Variants in FAM53B observed in about 807,000 individuals in gnomAD.
FAM53B encodes family with sequence similarity 53 member B, also known as protein FAM53B.
A neutral mutation model predicts 32.7 loss-of-function variants in FAM53B; 12 were observed. The observed-to-expected ratio is 0.37, with a 90% CI of 0.24 to 0.59. FAM53B has a LOEUF of 0.59. FAM53B is among the 20% of genes least tolerant of loss of function. FAM53B has a pLI of 0.72. For missense variants in FAM53B, 477 were observed against 577.7 expected (o/e 0.83, Z 1.79); for synonymous variants, 234 against 228.7 (o/e 1.02, Z -0.21).
At chr10:124,690,587 G>A (rs140427679) in intron 3 of FAM53B, among the ~76,000 whole-genome samples, 150 of 152,308 alleles carry the variant, frequency 9.8e-4, no homozygotes, top group African/African-American at 3.3e-3. Flanking sequence ...GTCTTCACTC[G>A]TCACTGGCAA....
chr10:124,626,661 CATCTTTGTCA>C (rs1189887990), intron 4 of FAM53B, among the ~76,000 whole-genome samples: 3 of 152,222 alleles, frequency 2.0e-5, no homozygotes, highest in Non-Finnish European at 4.4e-5. Flanking sequence ...CAGTCTAAGG[CATCTTTGTCA>C]CAGCAGCCCA....
At chr10:124,730,673 G>A (rs565245789) in intron 1 of FAM53B, among the ~76,000 whole-genome samples, 1 of 152,284 alleles carries the variant, frequency 6.6e-6, no homozygotes, top group African/African-American at 2.4e-5. Context: ...GCTGTCCAAC[G>A]TGAGAGGTGA....
At chr10:124,672,450 C>T (rs1040174630) in intron 4 of FAM53B, among the ~76,000 whole-genome samples, 2 of 152,268 alleles carry the variant, frequency 1.3e-5, no homozygotes, top group Admixed American at 6.5e-5. Flanking sequence ...CTCCCTTTCG[C>T]TGCATCCTCT....
At chr10:124,734,874 GCA>G (rs2134103966) in intron 1 of FAM53B, among the ~76,000 whole-genome samples, 1 of 152,336 alleles carries the variant, frequency 6.6e-6, no homozygotes, top group African/African-American at 2.4e-5. Context: ...TCAGAGGCCT[GCA>G]CCAACAGAAG....
At chr10:124,703,275 C>T (rs539362401) in intron 2 of FAM53B, among the ~76,000 whole-genome samples, 29 of 152,322 alleles carry the variant, frequency 1.9e-4, no homozygotes, top group African/African-American at 6.7e-4. Flanking sequence ...GTCTTGATCT[C>T]CTGACCTCGT....
intron 4 of FAM53B, among the ~76,000 whole-genome samples, chr10:124,660,298 C>T (rs1334394555): frequency 6.6e-6 from 1 of 152,208 alleles, no homozygotes; most frequent in Non-Finnish European, 1.5e-5. Flanking sequence ...CACACTGTCT[C>T]AAGCATGAGG....
intron 1 of FAM53B, among the ~76,000 whole-genome samples, chr10:124,711,631 A>G (rs1324721436): frequency 1.3e-5 from 2 of 152,232 alleles, no homozygotes; most frequent in African/African-American, 4.8e-5. Context: ...AGTTTTTAAA[A>G]CTTTTTTTAA....
At chr10:124,653,719 C>A (rs6597846) in intron 4 of FAM53B, among the ~76,000 whole-genome samples, 140,989 of 152,244 alleles carry the variant, frequency 0.93, 65,929 homozygotes, top group Non-Finnish European at 0.99. Context: ...ACATGGCCCA[C>A]GCAGAGCCTA....
intron 1 of FAM53B, among the ~76,000 whole-genome samples, chr10:124,730,608 C>T (rs1336461836): frequency 6.6e-6 from 1 of 152,226 alleles, no homozygotes; most frequent in African/African-American, 2.4e-5. Context: ...GACACAGTCT[C>T]GTGTGCTCCT....
intron 4 of FAM53B, among the ~76,000 whole-genome samples, chr10:124,666,131 G>T (rs1358794011): frequency 6.6e-6 from 1 of 152,234 alleles, no homozygotes; most frequent in Non-Finnish European, 1.5e-5. Context: ...CTGGTGGGCA[G>T]GGCCACGTTC....
chr10:124,672,344 T>C (rs981529485), intron 4 of FAM53B, among the ~76,000 whole-genome samples: 3 of 152,248 alleles, frequency 2.0e-5, no homozygotes, highest in Admixed American at 2.0e-4. Context: ...AACCTCGGGC[T>C]GGGAGGGGCT....
chr10:124,680,109 T>A (rs1320269632), intron 4 of FAM53B, among the ~76,000 whole-genome samples: 1 of 152,216 alleles, frequency 6.6e-6, no homozygotes, highest in East Asian at 1.9e-4. Context: ...TGGTGTCCAA[T>A]AAATGTGTTC....
intron 1 of FAM53B, among the ~76,000 whole-genome samples, chr10:124,729,258 G>A (rs1950126312): frequency 6.6e-6 from 1 of 152,234 alleles, no homozygotes; most frequent in Non-Finnish European, 1.5e-5. Flanking sequence ...ACTGGCTGAA[G>A]AAGGAAGACA....
intron 4 of FAM53B, among the ~76,000 whole-genome samples, chr10:124,676,627 T>G (rs1192716565): frequency 1.3e-5 from 2 of 151,992 alleles, no homozygotes; most frequent in Non-Finnish European, 2.9e-5. Flanking sequence ...CTGGGGGGGC[T>G]TCACCTGGGG....
At chr10:124,657,121 T>C (rs1949596501) in intron 4 of FAM53B, among the ~76,000 whole-genome samples, 1 of 146,380 alleles carries the variant, frequency 6.8e-6, no homozygotes. Flanking sequence ...TGTGTGTGTA[T>C]ATATATGTGT....
At chr10:124,665,953 G>C (rs1449163871) in intron 4 of FAM53B, among the ~76,000 whole-genome samples, 1 of 152,226 alleles carries the variant, frequency 6.6e-6, no homozygotes, top group Non-Finnish European at 1.5e-5. Context: ...CCCCAGCCCT[G>C]TAGCCTGCAC....
At chr10:124,641,886 G>A (rs1013035422) in intron 4 of FAM53B, among the ~76,000 whole-genome samples, 1 of 152,176 alleles carries the variant, frequency 6.6e-6, no homozygotes. Context: ...GCGACTCGCT[G>A]GTTCCTCCAG....
At chr10:124,709,191 T>C (rs772614087) in intron 1 of FAM53B, among the ~76,000 whole-genome samples, 2 of 152,200 alleles carry the variant, frequency 1.3e-5, no homozygotes, top group Admixed American at 1.3e-4. Context: ...CTAAATTCCA[T>C]TAACAAGGGC....
chr10:124,649,419 T>C (rs1949541358), intron 4 of FAM53B, among the ~76,000 whole-genome samples: 1 of 152,158 alleles, frequency 6.6e-6, no homozygotes, highest in Non-Finnish European at 1.5e-5. Context: ...CAGGGCAGGC[T>C]GGCCCAGGCA....
Sources: gnomAD v4.1 joint callset for allele counts (sites outside exome capture counted in the v4.1 genomes callset) on GRCh38, gnomAD v4.1.1 for gene constraint, MANE v1.5 for transcripts, NCBI Gene and HGNC (gene_info 2026-07-23, HGNC 2026-07-21) for gene names.